PCDH15: variants seen among roughly 807,000 people sequenced by gnomAD.
PCDH15 encodes the protein protocadherin-15.
In PCDH15, 129 loss-of-function variants were observed where a neutral mutation model predicts 178.5. The ratio of observed to expected loss-of-function variants is 0.72; its 90% CI spans 0.63 to 0.84. PCDH15 has a LOEUF of 0.84. Among genes scored for constraint, PCDH15 ranks in the 40% least tolerant of loss-of-function variants. PCDH15 has a pLI of 0.00. For synonymous variants in PCDH15, 800 were observed against 732.0 expected, an observed-to-expected ratio of 1.09 and a Z score of -1.50; for missense variants, 2,230 against 2,099.9, an observed-to-expected ratio of 1.06 and a Z score of -1.21.
intron 6 of PCDH15, among the ~76,000 whole-genome samples, chr10:54,341,611 A>T (rs1366184406): frequency 6.6e-6 from 1 of 152,236 alleles, no homozygotes; most frequent in Non-Finnish European, 1.5e-5. Context: ...TATAGAAGCA[A>T]CTTTGGAACT....
intron 1 of PCDH15, among the ~76,000 whole-genome samples, chr10:55,235,348 T>G (rs928082051): frequency 6.6e-6 from 1 of 152,114 alleles, no homozygotes; most frequent in African/African-American, 2.4e-5. Context: ...ACTTAGTCCT[T>G]TGATTCGTCA....
At chr10:55,109,282 G>T (rs778969461) in intron 2 of PCDH15, among the ~76,000 whole-genome samples, 1 of 152,092 alleles carries the variant, frequency 6.6e-6, no homozygotes, top group Non-Finnish European at 1.5e-5. Context: ...TTTAAACTTC[G>T]CAAATTTCTT....
At chr10:54,353,423 A>G (rs1040751808) in intron 5 of PCDH15, among the ~76,000 whole-genome samples, 7 of 152,188 alleles carry the variant, frequency 4.6e-5, no homozygotes, top group African/African-American at 1.7e-4. Context: ...GAGATCTTAA[A>G]TATTCAGTAT....
At chr10:54,843,805 TAC>T (rs1328743750) in intron 3 of PCDH15, among the ~76,000 whole-genome samples, 1 of 152,002 alleles carries the variant, frequency 6.6e-6, no homozygotes, top group Non-Finnish European at 1.5e-5. Flanking sequence ...AGTTCCCTGA[TAC>T]ATCTTACGGG....
intron 1 of PCDH15, among the ~76,000 whole-genome samples, chr10:55,224,015 G>C (rs1299127395): frequency 1.3e-5 from 2 of 152,056 alleles, no homozygotes; most frequent in Non-Finnish European, 2.9e-5. Flanking sequence ...ACTTTGGGAG[G>C]CTAAGGCAGG....
chr10:54,827,097 C>T (rs1311011972), intron 3 of PCDH15, among the ~76,000 whole-genome samples: 1 of 152,026 alleles, frequency 6.6e-6, no homozygotes, highest in Non-Finnish European at 1.5e-5. Flanking sequence ...GGAATGGAGG[C>T]CAGGAAATGT....
In PCDH15 at chr10:55,346,105, T is replaced by C. The variant is rs61851100; in HGVS notation, c.-155-179454A>G. Among the ~76,000 whole-genome samples, 1,024 of 152,212 alleles carry C rather than the reference T, an allele frequency of 6.7e-3. 6 individuals carry two copies. Among genetic ancestry groups the C allele is most frequent in the Non-Finnish European group, 0.011 (759 of 67,980 alleles). On this transcript the variant is annotated intron_variant, in intron 2 of 5. Coordinates refer to the PCDH15 transcript ENST00000613346. Reference sequence around the variant, plus strand: ...AAATAACCTGCTATTTTTTGACACATGTAACACTACACAATAGCTCATTTG... The same window carrying C: ...AAATAACCTGCTATTTTTTGACACACGTAACACTACACAATAGCTCATTTG...
chr10:55,406,187 A>G (rs182264755), intron 2 of PCDH15, among the ~76,000 whole-genome samples: 53 of 152,132 alleles, frequency 3.5e-4, no homozygotes, highest in African/African-American at 1.1e-3. Context: ...AGGGGTAAAA[A>G]AGCATACGAT....
Position 54,985,076 on chromosome 10 carries a change from T to TA in PCDH15, c.-79-87577dup, listed in dbSNP as rs200354706. ...GACCAACATTATATGACCTATATGTTAGGCTAAACCACGTGTAAAAATGAA... is the reference window on the plus strand; with the variant it reads ...GACCAACATTATATGACCTATATGTTAAGGCTAAACCACGTGTAAAAATGAA... On this transcript the variant is annotated intron_variant, in intron 2 of 5. Transcript: ENST00000458638. 6.2e-3 allele frequency among the ~76,000 whole-genome samples: 946 copies of TA among 152,296 alleles called. 14 individuals are homozygous for TA. The highest frequency in any genetic ancestry group is 0.022 in the African/African-American group (900 of 41,554).
At chr10:55,362,644 G>A (rs1348779745) in intron 2 of PCDH15, among the ~76,000 whole-genome samples, 3 of 147,610 alleles carry the variant, frequency 2.0e-5, no homozygotes, top group Admixed American at 6.7e-5. Context: ...ACATGCACTC[G>A]TGTGTGTGTG....
At chr10:55,022,711 C>CT (rs201891944) in intron 2 of PCDH15, among the ~76,000 whole-genome samples, 1,192 of 113,804 alleles carry the variant, frequency 0.01, 26 homozygotes, top group African/African-American at 0.032. Context: ...TTTTCTTTTT[C>CT]TTTTTTTTTT....
intron 2 of PCDH15, among the ~76,000 whole-genome samples, chr10:55,412,397 G>C (rs1055331349): frequency 3.9e-5 from 6 of 151,964 alleles, no homozygotes; most frequent in African/African-American, 1.2e-4. Context: ...CTTAGAAACT[G>C]TACCTAGAAT....
chr10:55,246,596 C>G (rs1841685112), intron 1 of PCDH15, among the ~76,000 whole-genome samples: 1 of 152,098 alleles, frequency 6.6e-6, no homozygotes, highest in Non-Finnish European at 1.5e-5. Context: ...TCTAATCTAA[C>G]TGTATTATGT....
At chr10:54,219,101 A>AC (rs1564710551) in intron 9 of PCDH15, among the ~76,000 whole-genome samples, 30 of 143,432 alleles carry the variant, frequency 2.1e-4, no homozygotes, top group African/African-American at 7.0e-4. Flanking sequence ...AAAAAAAAAA[A>AC]AAAAAACAAA....
intron 8 of PCDH15, among the ~76,000 whole-genome samples, chr10:54,250,223 C>A (rs2056353537): frequency 6.7e-6 from 1 of 149,482 alleles, no homozygotes; most frequent in Non-Finnish European, 1.5e-5. Flanking sequence ...AATGTAATCT[C>A]ATTGCAAAAC....
chr10:54,141,169 G>T (rs1201168105), intron 14 of PCDH15, among the ~76,000 whole-genome samples: 1 of 151,354 alleles, frequency 6.6e-6, no homozygotes, highest in Non-Finnish European at 1.5e-5. Flanking sequence ...GCTTTTATTT[G>T]GTTCTATGAA....
intron 2 of PCDH15, among the ~76,000 whole-genome samples, chr10:55,056,587 T>C (rs528219134): frequency 6.8e-6 from 1 of 146,496 alleles, no homozygotes; most frequent in African/African-American, 2.5e-5. Flanking sequence ...TTTTAATCAC[T>C]ATTTGATTTA....
At chr10:54,410,411 T>C (rs79097234) in intron 3 of PCDH15, among the ~76,000 whole-genome samples, 3,175 of 152,230 alleles carry the variant, frequency 0.021, 106 homozygotes, top group African/African-American at 0.073. Context: ...TTTATTTCTT[T>C]TAGACTTTGC....
chr10:54,485,181 C>A (rs1187626135), intron 3 of PCDH15, among the ~76,000 whole-genome samples: 1 of 151,690 alleles, frequency 6.6e-6, no homozygotes, highest in African/African-American at 2.4e-5. Context: ...GTAATCCCTG[C>A]TAATAGTGCT....
Sources: gnomAD v4.1 joint callset for allele counts (sites outside exome capture counted in the v4.1 genomes callset) on GRCh38, gnomAD v4.1.1 for gene constraint, MANE v1.5 for transcripts, NCBI Gene and HGNC (gene_info 2026-07-23, HGNC 2026-07-21) for gene names.